The following ADIPOR2 variants were observed in gnomAD, a reference collection of about 807,000 sequenced individuals.
ADIPOR2 encodes adiponectin receptor 2, also known as adiponectin receptor protein 2.
Under a neutral mutation model 40.9 loss-of-function variants are expected in ADIPOR2, and 18 were observed. The ratio of observed to expected loss-of-function variants is 0.44; its 90% CI spans 0.30 to 0.65. The LOEUF (loss-of-function observed/expected upper bound fraction) is 0.65. Among genes scored for constraint, ADIPOR2 ranks in the 30% least tolerant of loss-of-function variants. The pLI is 0.09. For missense variants in ADIPOR2, 283 were observed against 479.2 expected, an observed-to-expected ratio of 0.59 and a Z score of 3.82; for synonymous variants, 165 against 166.4, an observed-to-expected ratio of 0.99 and a Z score of 0.06.
chr12:1,720,248 A>G (rs915846190), intron 1 of ADIPOR2, among the ~76,000 whole-genome samples: 3 of 152,108 alleles, frequency 2.0e-5, no homozygotes, highest in African/African-American at 7.2e-5. Flanking sequence ...TTTGACAGAT[A>G]TTTACTGAAT....
intron 6 of ADIPOR2, 107 bp from the exon 7 acceptor site, chr12:1,783,773 A>G (rs1369734068): frequency 4.2e-6 from 4 of 941,362 alleles, no homozygotes; most frequent in Non-Finnish European, 1.5e-6. Flanking sequence ...TTTATATGCT[A>G]CTTTGAAATA....
At chr12:1,731,282 C>T (rs906877843) in intron 1 of ADIPOR2, among the ~76,000 whole-genome samples, 3 of 152,144 alleles carry the variant, frequency 2.0e-5, no homozygotes, top group African/African-American at 4.8e-5. Context: ...AACTTTCTCC[C>T]GCTTCAGCCT....
intron 4 of ADIPOR2, among the ~76,000 whole-genome samples, chr12:1,779,490 T>G (rs1309674210): frequency 6.6e-6 from 1 of 152,082 alleles, no homozygotes. Flanking sequence ...GACAGTAGAT[T>G]AGTGGTTGTT....
chr12:1,716,300 T>C (rs1225466771), intron 1 of ADIPOR2, among the ~76,000 whole-genome samples: 1 of 152,246 alleles, frequency 6.6e-6, no homozygotes, highest in Non-Finnish European at 1.5e-5. Context: ...GAAGATGGTT[T>C]ATTGCCTTTT....
At chr12:1,694,355 G>A (rs2058035) in intron 1 of ADIPOR2, among the ~76,000 whole-genome samples, 40,869 of 152,120 alleles carry the variant, frequency 0.27, 6,097 homozygotes, top group Admixed American at 0.44. Context: ...CTGCTTCTAG[G>A]ACCTTTGGTG....
intron 1 of ADIPOR2, among the ~76,000 whole-genome samples, chr12:1,729,371 G>A (rs1445774116): frequency 6.6e-6 from 1 of 151,852 alleles, no homozygotes; most frequent in Admixed American, 6.6e-5. Flanking sequence ...AAATATTAGG[G>A]AGCCTTCTGC....
intron 1 of ADIPOR2, among the ~76,000 whole-genome samples, chr12:1,731,331 T>G (rs2094719846): frequency 6.6e-6 from 1 of 152,182 alleles, no homozygotes; most frequent in African/African-American, 2.4e-5. Context: ...GCCAGATTCC[T>G]TTTTTTAAAT....
intron 6 of ADIPOR2, among the ~76,000 whole-genome samples, chr12:1,782,007 G>C (rs1425061181): frequency 6.6e-6 from 1 of 152,182 alleles, no homozygotes; most frequent in Non-Finnish European, 1.5e-5. Context: ...GAGTACAGCT[G>C]AGCATTCTGT....
intron 2 of ADIPOR2, among the ~76,000 whole-genome samples, chr12:1,769,687 G>A (rs1470980746): frequency 2.0e-5 from 3 of 151,946 alleles, no homozygotes; most frequent in Admixed American, 6.6e-5. Context: ...GATTACAGGC[G>A]CTCGCCACCT....
intron 1 of ADIPOR2, among the ~76,000 whole-genome samples, chr12:1,749,394 A>AG (rs1332872798): frequency 4.6e-5 from 7 of 152,260 alleles, no homozygotes; most frequent in Non-Finnish European, 8.8e-5. Context: ...CAGGAGAAAG[A>AG]GGCCTGCCTC....
intron 1 of ADIPOR2, among the ~76,000 whole-genome samples, chr12:1,736,564 T>A (rs1384302512): frequency 6.6e-6 from 1 of 152,252 alleles, no homozygotes; most frequent in Non-Finnish European, 1.5e-5. Context: ...GAAAACCAGC[T>A]CCTGGATTCA....
chr12:1,698,801 G>A (rs898931637), intron 1 of ADIPOR2, among the ~76,000 whole-genome samples: 5 of 151,828 alleles, frequency 3.3e-5, no homozygotes, highest in African/African-American at 1.2e-4. Flanking sequence ...CACCCAGAAA[G>A]GTCACAGCAA....
chr12:1,769,697 T>G (rs1160108719), intron 2 of ADIPOR2, among the ~76,000 whole-genome samples: 2 of 151,846 alleles, frequency 1.3e-5, no homozygotes, highest in Non-Finnish European at 2.9e-5. Flanking sequence ...GCTCGCCACC[T>G]CACCTGGCTG....
At chr12:1,781,239 C>T (rs1287989929) in intron 6 of ADIPOR2, among the ~76,000 whole-genome samples, 163 bp downstream of exon 6, 3 of 151,952 alleles carry the variant, frequency 2.0e-5, no homozygotes, top group Admixed American at 6.6e-5. Flanking sequence ...ATGTAGTAGT[C>T]GTAGTAGTTG....
At position 1,754,468 on chromosome 12, in the gene ADIPOR2, T is replaced by G; in HGVS notation, c.125T>G (p.Leu42Trp). ...RGDNDSHQGD[L>W]EPILEASVLS... is the part of the protein sequence containing the mutation. ...GATAATGACAGCCACCAAGGAGATTTGGAGCCCATTTTAGAGGCATCTGTT... is the reference window on the plus strand; with the variant it reads ...GATAATGACAGCCACCAAGGAGATTGGGAGCCCATTTTAGAGGCATCTGTT... Residue 42 changes from leucine to tryptophan, a missense_variant, in exon 2 of 8, where the codon TTG (leucine) becomes TGG (tryptophan). Coordinates refer to ENST00000357103, the MANE Select transcript of ADIPOR2 (RefSeq NM_024551.3). 1 of 1,613,280 alleles carries G rather than the reference T, an allele frequency of 6.2e-7. No individual in the cohort carries two copies.
At chr12:1,693,861 C>T (rs1388888093) in intron 1 of ADIPOR2, among the ~76,000 whole-genome samples, 1 of 152,050 alleles carries the variant, frequency 6.6e-6, no homozygotes, top group Non-Finnish European at 1.5e-5. Context: ...AGAAGTATTT[C>T]ATTATTTGTA....
intron 1 of ADIPOR2, among the ~76,000 whole-genome samples, chr12:1,734,329 T>A (rs2094726219): frequency 6.6e-6 from 1 of 152,218 alleles, no homozygotes; most frequent in African/African-American, 2.4e-5. Flanking sequence ...GGTATCTCAT[T>A]GTGGTTTTGA....
At chr12:1,707,207 G>T (rs2094665119) in intron 1 of ADIPOR2, among the ~76,000 whole-genome samples, 2 of 152,082 alleles carry the variant, frequency 1.3e-5, no homozygotes, top group Admixed American at 1.3e-4. Flanking sequence ...TGGCTATTAT[G>T]ATTAAAGTGG....
intron 1 of ADIPOR2, among the ~76,000 whole-genome samples, chr12:1,700,268 T>A (rs1417675328): frequency 1.3e-5 from 2 of 152,236 alleles, no homozygotes; most frequent in Non-Finnish European, 2.9e-5. Context: ...ATCAGCTGAT[T>A]ATTTTTCATT....
Sources: gnomAD v4.1 joint callset for allele counts (sites outside exome capture counted in the v4.1 genomes callset) on GRCh38, gnomAD v4.1.1 for gene constraint, MANE v1.5 for transcripts, NCBI Gene and HGNC (gene_info 2026-07-23, HGNC 2026-07-21) for gene names.